RBFOX3: variants seen among roughly 807,000 people sequenced by gnomAD.
RBFOX3 encodes RNA binding fox-1 homolog 3.
A neutral mutation model predicts 48.7 loss-of-function variants in RBFOX3; 17 were observed. The observed-to-expected ratio is 0.35, with a 90% CI of 0.24 to 0.52. RBFOX3 has a LOEUF of 0.52. RBFOX3 is among the 20% of genes least tolerant of loss of function. The probability of loss-of-function intolerance (pLI) is 0.94; values close to 1 mark genes in which losing one functional copy is unlikely to be tolerated. For missense variants in RBFOX3, 382 were observed against 497.5 expected, an observed-to-expected ratio of 0.77 and a Z score of 2.21; for synonymous variants, 212 against 209.5, an observed-to-expected ratio of 1.01 and a Z score of -0.10.
chr17:79,515,523 G>T (rs1286433649), intron 1 of RBFOX3, among the ~76,000 whole-genome samples: 3 of 152,204 alleles, frequency 2.0e-5, no homozygotes, highest in Non-Finnish European at 4.4e-5. Context: ...CCAGCACATA[G>T]AAAAAACGAG....
rs1416901054 is a variant in RBFOX3, at chr17:79,103,890, C to A, written c.414+183G>T. ...AAAGAAAAAGCGGCAGCGGCAGCAA[C>A]AACACAGACAGCTGGGGTGGGGGCG... On this transcript the variant is annotated intron_variant, in intron 7 of 14. Transcript: ENST00000693108. The surrounding 1 kb of genome is among the most constrained non-coding windows in gnomAD (Gnocchi z 6.1). 1.7e-5 allele frequency among the ~76,000 whole-genome samples: 2 copies of A among 119,524 alleles called. No individual in the cohort carries two copies. The highest frequency in any genetic ancestry group is 3.2e-5 in the Non-Finnish European group (2 of 62,790). 78.4% of individuals were successfully genotyped at this position (119,524 alleles called of 152,430 possible).
intron 2 of RBFOX3, among the ~76,000 whole-genome samples, chr17:79,353,565 A>G (rs944704449): frequency 2.0e-5 from 3 of 152,234 alleles, no homozygotes; most frequent in African/African-American, 7.2e-5. Context: ...AGAAATACCC[A>G]TCACTCATGC....
At chr17:79,630,937 C>T in the RBFOX3 span, among the ~76,000 whole-genome samples, 3 of 152,270 alleles carry the variant, frequency 2.0e-5, no homozygotes, top group East Asian at 1.9e-4. Context: ...CGGAAAAGCA[C>T]GACAGCCCCC....
chr17:79,157,383 G>A (rs780262812), intron 4 of RBFOX3, among the ~76,000 whole-genome samples: 3 of 152,170 alleles, frequency 2.0e-5, no homozygotes, highest in Non-Finnish European at 4.4e-5. Flanking sequence ...CACAGACACT[G>A]ACCACAAAGC....
chr17:79,430,949 C>G (rs1398679218), intron 2 of RBFOX3, among the ~76,000 whole-genome samples: 1 of 152,172 alleles, frequency 6.6e-6, no homozygotes, highest in Non-Finnish European at 1.5e-5. Context: ...AGTTTGCTGC[C>G]TGTGGACATC....
chr17:79,295,871 G>A (rs747392586), intron 3 of RBFOX3, among the ~76,000 whole-genome samples: 14 of 152,088 alleles, frequency 9.2e-5, no homozygotes, highest in African/African-American at 7.2e-5. Context: ...AGTATGTTTC[G>A]GTCTGTCTGT....
At chr17:79,340,925 T>C (rs1407301484) in intron 2 of RBFOX3, among the ~76,000 whole-genome samples, 2 of 152,126 alleles carry the variant, frequency 1.3e-5, no homozygotes, top group Non-Finnish European at 2.9e-5. Context: ...CCTTTCAGAA[T>C]GGAGAAGCAT....
intron 2 of RBFOX3, among the ~76,000 whole-genome samples, chr17:79,439,632 C>T (rs1004730824): frequency 3.3e-5 from 5 of 152,234 alleles, no homozygotes; most frequent in African/African-American, 4.8e-5. Flanking sequence ...TCAGCTCACA[C>T]GCACACTGCA....
At chr17:79,411,144 C>G (rs555960824) in intron 2 of RBFOX3, among the ~76,000 whole-genome samples, 1 of 152,172 alleles carries the variant, frequency 6.6e-6, no homozygotes, top group Non-Finnish European at 1.5e-5. Context: ...GCTGTGCCGA[C>G]GGAGCCGATG....
Position 79,103,173 on chromosome 17 carries a change from G to C in RBFOX3, c.496C>G (p.Arg166Gly). 1 of 1,551,048 alleles carries C rather than the reference G, an allele frequency of 6.4e-7. No individual in the cohort carries two copies. The highest frequency in any genetic ancestry group is 8.7e-7 in the Non-Finnish European group (1 of 1,146,634). The change falls in exon 8 of 15, where the codon CGG (arginine) becomes GGG (glycine). Residue 166 changes from arginine (R) to glycine (G), a missense_variant. Arg to Gly is a moderately radical substitution (Grantham distance 125). Around this residue, in one of 3 missense-constraint regions of RBFOX3, gnomAD observed 49 missense variants for 110.7 expected, o/e 0.44. Transcript: ENST00000693108. The surrounding 1 kb of genome is among the most constrained non-coding windows in gnomAD (Gnocchi z 6.1). ...EKLNGTIVEG[R>G]KIEVNNATAR... ...ACTTATCTGAGCACCTCAATTTTCC[G>C]TCCCTCTACGATCGTCCCATTCAGC...
intron 2 of RBFOX3, among the ~76,000 whole-genome samples, chr17:79,466,341 T>C (rs928969719): frequency 6.2e-4 from 95 of 152,136 alleles, no homozygotes; most frequent in African/African-American, 2.3e-3. Flanking sequence ...GCACAGGCAG[T>C]GGAAGGGAAG....
At position 79,429,874 on chromosome 17, in the gene RBFOX3, C is replaced by G. The variant is rs117687346; in HGVS notation, c.-175+52580G>C. 5.9e-5 allele frequency among the ~76,000 whole-genome samples: 9 copies of G among 152,264 alleles called. No homozygotes were observed. In the South Asian group the frequency reaches 1.9e-3, roughly 32 times the overall value. ...GCTTGCAGCCTTTGTTCTATAAATTCGTGGTTCTGCTCAACTTGGGGCCTG... is the reference window on the plus strand; with the variant it reads ...GCTTGCAGCCTTTGTTCTATAAATTGGTGGTTCTGCTCAACTTGGGGCCTG... On this transcript the variant is annotated intron_variant, in intron 2 of 14. Transcript: ENST00000693108.
chr17:79,474,961 C>T (rs981970982), intron 2 of RBFOX3, among the ~76,000 whole-genome samples: 2 of 152,186 alleles, frequency 1.3e-5, no homozygotes, highest in Admixed American at 6.5e-5. Context: ...CTCACAGGCT[C>T]CCCTCTCCTG....
chr17:79,645,700 C>T, the RBFOX3 span, among the ~76,000 whole-genome samples: 1 of 152,206 alleles, frequency 6.6e-6, no homozygotes, highest in Admixed American at 6.5e-5. Flanking sequence ...CACTTGCTGC[C>T]TGGACCGCAG....
At chr17:79,177,217 C>A (rs980603620) in intron 4 of RBFOX3, among the ~76,000 whole-genome samples, 9 of 152,272 alleles carry the variant, frequency 5.9e-5, no homozygotes, top group Admixed American at 5.2e-4. Context: ...TCTCCCCCCC[C>A]GCCCTCTCCC....
At position 79,384,642 on chromosome 17, in the gene RBFOX3, C is replaced by T. The variant is rs147507129; in HGVS notation, c.-174-76818G>A. On this transcript the variant is annotated intron_variant, in intron 2 of 14. Transcript: ENST00000693108. ...AGGCCTGCGCATCTGGGGACCAAGG[C>T]GGTCAATACAGTTGATGCCTCGGGA... 2.9e-3 allele frequency among the ~76,000 whole-genome samples: 439 copies of T among 152,316 alleles called. 2 individuals are homozygous for T. The highest frequency in any genetic ancestry group is 9.9e-3 in the African/African-American group (410 of 41,566).
chr17:79,447,336 C>T (rs1555738926), intron 2 of RBFOX3, among the ~76,000 whole-genome samples: 2 of 152,208 alleles, frequency 1.3e-5, no homozygotes, highest in African/African-American at 4.8e-5. Flanking sequence ...GCAGCCTCAT[C>T]CATCCAGCCA....
At chr17:79,197,722 A>C (rs1295876119) in intron 4 of RBFOX3, among the ~76,000 whole-genome samples, 1 of 152,060 alleles carries the variant, frequency 6.6e-6, no homozygotes, top group South Asian at 2.1e-4. Context: ...TTCTACAGAC[A>C]CATCGTCCAC....
chr17:79,615,429 G>GGGAGGGCA (rs1187075025), upstream of RBFOX3, among the ~76,000 whole-genome samples: 2 of 152,150 alleles, frequency 1.3e-5, no homozygotes, highest in African/African-American at 4.8e-5. Flanking sequence ...TGGGAGAGGA[G>GGGAGGGCA]GGAGGGCAGG....
Sources: gnomAD v4.1 joint callset for allele counts (sites outside exome capture counted in the v4.1 genomes callset) on GRCh38, gnomAD v4.1.1 for gene constraint, gnomAD v4.1.1 regional missense constraint, Gnocchi (gnomAD v3.1) non-coding constraint, MANE v1.5 for transcripts, NCBI Gene and HGNC (gene_info 2026-07-23, HGNC 2026-07-21) for gene names.